Variants in DPP10 observed in about 807,000 individuals in gnomAD.
The protein encoded by DPP10 is dipeptidyl peptidase like 10, also known as inactive dipeptidyl peptidase 10.
A neutral mutation model predicts 120.9 loss-of-function variants in DPP10; 33 were observed. The observed-to-expected ratio is 0.27, with a 90% CI of 0.21 to 0.37. DPP10 has a LOEUF of 0.37. Ranked by LOEUF, DPP10 falls within the 10% of genes least tolerant of loss-of-function variation. The pLI is 1.00. For missense variants in DPP10, 816 were observed against 942.8 expected (o/e 0.87, Z 1.76); for synonymous variants, 337 against 326.1 (o/e 1.03, Z -0.36).
intron 19 of DPP10, among the ~76,000 whole-genome samples, chr2:115,793,283 A>C (rs1376686650): frequency 1.3e-5 from 2 of 152,036 alleles, no homozygotes; most frequent in Non-Finnish European, 2.9e-5. Flanking sequence ...AATTTTTTGA[A>C]TCTTCTGTTG....
chr2:114,673,828 A>AT (rs34610512), intron 1 of DPP10, among the ~76,000 whole-genome samples: 1 of 151,988 alleles, frequency 6.6e-6, no homozygotes, highest in African/African-American at 2.4e-5. Flanking sequence ...ACAACATTAG[A>AT]TTTTTTTTAA....
At chr2:115,767,584 G>GTA (rs113660067) in intron 12 of DPP10, among the ~76,000 whole-genome samples, 1,693 of 150,942 alleles carry the variant, frequency 0.011, 35 homozygotes, top group South Asian at 0.1. Flanking sequence ...GTGTGTGTGT[G>GTA]TATATATATA....
chr2:115,169,264 T>G (rs2053130615), intron 1 of DPP10, among the ~76,000 whole-genome samples: 1 of 152,184 alleles, frequency 6.6e-6, no homozygotes, highest in Non-Finnish European at 1.5e-5. Context: ...GAATGAGTTT[T>G]TATTGCATCT....
chr2:115,674,519 A>C (rs191973000), intron 5 of DPP10, among the ~76,000 whole-genome samples: 2 of 152,176 alleles, frequency 1.3e-5, no homozygotes, highest in African/African-American at 4.8e-5. Flanking sequence ...TTAATTACTG[A>C]ACCTCAGATT....
chr2:115,740,416 C>T (rs1677110469), intron 9 of DPP10, among the ~76,000 whole-genome samples: 1 of 151,970 alleles, frequency 6.6e-6, no homozygotes, highest in African/African-American at 2.4e-5. Flanking sequence ...ATAGATTAAG[C>T]ATAAAGAATC....
At chr2:114,649,184 G>A (rs1371777577) in intron 1 of DPP10, among the ~76,000 whole-genome samples, 1 of 152,016 alleles carries the variant, frequency 6.6e-6, no homozygotes, top group Non-Finnish European at 1.5e-5. Context: ...CATATTCTTT[G>A]CTTTGCCTGT....
chr2:115,174,997 CACAAGGAA>C (rs754521980), intron 1 of DPP10, among the ~76,000 whole-genome samples: 5 of 152,146 alleles, frequency 3.3e-5, no homozygotes, highest in African/African-American at 4.8e-5. Flanking sequence ...GATAATTGCA[CACAAGGAA>C]GTGAGAAACC....
chr2:115,363,645 A>C (rs1341518441), intron 3 of DPP10, among the ~76,000 whole-genome samples: 1 of 152,200 alleles, frequency 6.6e-6, no homozygotes, highest in East Asian at 1.9e-4. Context: ...CTTTCTTCTA[A>C]AGGCATTGTG....
At chr2:114,825,696 A>G (rs1686470202) in intron 1 of DPP10, among the ~76,000 whole-genome samples, 3 of 152,320 alleles carry the variant, frequency 2.0e-5, no homozygotes, top group Admixed American at 2.0e-4. Context: ...TTTGAGATAA[A>G]GAGACATATG....
chr2:115,014,027 T>C (rs1463358409), intron 1 of DPP10, among the ~76,000 whole-genome samples: 1 of 152,150 alleles, frequency 6.6e-6, no homozygotes, highest in Non-Finnish European at 1.5e-5. Flanking sequence ...CTACCCCAAA[T>C]CAACAGAATA....
intron 1 of DPP10, among the ~76,000 whole-genome samples, chr2:115,277,187 A>G (rs541496356): frequency 3.9e-5 from 6 of 152,314 alleles, no homozygotes; most frequent in Non-Finnish European, 8.8e-5. Context: ...ATAAACAAGC[A>G]CTGTAAACTG....
intron 5 of DPP10, among the ~76,000 whole-genome samples, chr2:115,567,779 A>C (rs548241173): frequency 5.1e-4 from 77 of 152,328 alleles, no homozygotes; most frequent in Non-Finnish European, 9.6e-4. Flanking sequence ...CTCCCTTATA[A>C]ATGTTGGACC....
intron 1 of DPP10, among the ~76,000 whole-genome samples, chr2:114,582,045 C>A (rs566835677): frequency 4.1e-4 from 63 of 152,282 alleles, no homozygotes; most frequent in South Asian, 2.3e-3. Context: ...TATATAGTGA[C>A]ATGTATCCAC....
chr2:114,460,269 A>G (rs921720723), intron 1 of DPP10, among the ~76,000 whole-genome samples: 1 of 152,112 alleles, frequency 6.6e-6, no homozygotes, highest in African/African-American at 2.4e-5. Flanking sequence ...TTTCTAAAAA[A>G]GTATTTTTGG....
intron 1 of DPP10, among the ~76,000 whole-genome samples, chr2:114,898,745 C>A (rs1246467632): frequency 1.3e-5 from 2 of 152,164 alleles, no homozygotes; most frequent in Admixed American, 6.5e-5. Flanking sequence ...CACAAGAATG[C>A]AGCTCTCAAA....
chr2:115,692,607 T>C (rs1444015500), intron 7 of DPP10, among the ~76,000 whole-genome samples: 3 of 152,082 alleles, frequency 2.0e-5, no homozygotes, highest in Non-Finnish European at 4.4e-5. Context: ...CTTTAACTAG[T>C]TCTTTTAACG....
chr2:114,458,316 A>G (rs1678693188), intron 1 of DPP10, among the ~76,000 whole-genome samples: 1 of 152,094 alleles, frequency 6.6e-6, no homozygotes, highest in Admixed American at 6.5e-5. Context: ...ACCCTTTTTC[A>G]TAAAATAGGA....
At chr2:115,505,358 G>T (rs2076885536) in intron 4 of DPP10, among the ~76,000 whole-genome samples, 1 of 152,170 alleles carries the variant, frequency 6.6e-6, no homozygotes, top group Admixed American at 6.6e-5. Context: ...ACTAGAGCTT[G>T]GTTCAATCTT....
In DPP10 at chr2:115,431,027, G is replaced by A. The variant is rs191212409; in HGVS notation, c.272-68483G>A. Among the ~76,000 whole-genome samples the A allele has an allele frequency of 6.6e-5, 10 of 152,324 alleles. No homozygotes were observed. In the East Asian group the frequency reaches 1.9e-3, roughly 29 times the overall value. On this transcript the variant is annotated intron_variant, in intron 3 of 25. Transcript: ENST00000410059. ...CACATTATATTAGGTTGGTTAAACA[G>A]ATATGATACTAGCTTCTTAAGAGAA...
Sources: allele counts gnomAD v4.1 joint callset (sites outside exome capture counted in the v4.1 genomes callset), GRCh38; gene constraint gnomAD v4.1.1; transcripts MANE v1.5; gene names NCBI Gene and HGNC (gene_info 2026-07-23, HGNC 2026-07-21).